QTGAL: variants seen among roughly 807,000 people sequenced by gnomAD.
QTGAL encodes queuosine-tRNA galactosyltransferase.
the QTGAL span, among the ~76,000 whole-genome samples, chr17:83,018,309 C>T: frequency 5.3e-5 from 8 of 152,212 alleles, no homozygotes; most frequent in Admixed American, 5.2e-4. Context: ...TCAGGTACCA[C>T]ACATGCTCCG....
the QTGAL span, chr17:82,947,188 C>T: frequency 3.9e-6 from 2 of 519,460 alleles, no homozygotes; most frequent in African/African-American, 3.9e-5. Flanking sequence ...CCCTGTTGGT[C>T]ACCAGAGGGG....
At chr17:82,946,916 A>C in the QTGAL span, 19 of 1,567,884 alleles carry the variant, frequency 1.2e-5, no homozygotes, top group East Asian at 4.5e-4. Context: ...GCTGAAGTGA[A>C]GGAAGTCCTG....
chr17:82,959,554 T>G, the QTGAL span, among the ~76,000 whole-genome samples: 1 of 151,894 alleles, frequency 6.6e-6, no homozygotes, highest in Admixed American at 6.6e-5. Context: ...CTCGCCGGGT[T>G]TTGGCATCTT....
chr17:82,946,712 G>A, the QTGAL span, among the ~76,000 whole-genome samples: 27 of 152,286 alleles, frequency 1.8e-4, no homozygotes, highest in South Asian at 2.1e-4. Context: ...GTGCTTAAGC[G>A]ATTCTGAAGT....
chr17:83,036,717 C>A, the QTGAL span, among the ~76,000 whole-genome samples: 3 of 152,162 alleles, frequency 2.0e-5, no homozygotes, highest in African/African-American at 7.2e-5. Flanking sequence ...CCAGGGCAGA[C>A]CACCGTCCTG....
the QTGAL span, chr17:82,942,727 C>T: frequency 6.9e-6 from 4 of 583,512 alleles, no homozygotes; most frequent in Non-Finnish European, 9.2e-6. Flanking sequence ...TGTCTCTGAG[C>T]CTGATGTGTG....
At chr17:83,050,204 C>T in the QTGAL span, among the ~76,000 whole-genome samples, 1 of 152,016 alleles carries the variant, frequency 6.6e-6, no homozygotes, top group Non-Finnish European at 1.5e-5. Flanking sequence ...AACCCCGTCC[C>T]TACTAAAAAT....
At chr17:83,043,946 T>TA in the QTGAL span, among the ~76,000 whole-genome samples, 6 of 148,000 alleles carry the variant, frequency 4.1e-5, no homozygotes, top group Non-Finnish European at 7.5e-5. Flanking sequence ...CAAGAAGAAA[T>TA]AAAAAAAATC....
At chr17:82,976,184 G>A in the QTGAL span, among the ~76,000 whole-genome samples, 1 of 50,444 alleles carries the variant, frequency 2.0e-5, no homozygotes, top group Non-Finnish European at 4.0e-5. Context: ...TCCTCCCAGG[G>A]ACCAGAGGCC....
chr17:83,013,970 G>A, the QTGAL span, among the ~76,000 whole-genome samples: 5 of 152,042 alleles, frequency 3.3e-5, no homozygotes, highest in Non-Finnish European at 4.4e-5. Context: ...GGGGATGGAG[G>A]AGCCCACGGG....
chr17:82,974,175 C>A, the QTGAL span, among the ~76,000 whole-genome samples: 1 of 152,226 alleles, frequency 6.6e-6, no homozygotes, highest in East Asian at 1.9e-4. Flanking sequence ...GAAGGTCCCA[C>A]TTCCACTCTC....
the QTGAL span, among the ~76,000 whole-genome samples, chr17:83,021,120 TTTC>T: frequency 6.6e-6 from 1 of 152,226 alleles, no homozygotes; most frequent in Non-Finnish European, 1.5e-5. Flanking sequence ...TGTATGTGTT[TTTC>T]TTCATAATGA....
chr17:83,042,027 A>T, the QTGAL span, among the ~76,000 whole-genome samples: 2 of 149,566 alleles, frequency 1.3e-5, no homozygotes, highest in East Asian at 3.9e-4. Context: ...AATATAAAAG[A>T]TAGTACTATT....
At chr17:83,048,489 A>G in the QTGAL span, 3 of 1,612,394 alleles carry the variant, frequency 1.9e-6, no homozygotes, top group Non-Finnish European at 2.5e-6. Context: ...GGAGAGGGAG[A>G]ATCGTGCCCC....
the QTGAL span, among the ~76,000 whole-genome samples, chr17:82,982,397 T>C: frequency 1.4e-5 from 2 of 147,106 alleles, no homozygotes; most frequent in Non-Finnish European, 3.0e-5. Context: ...ATGGAGGTCT[T>C]ATGTCCAGAA....
chr17:83,028,535 A>G, the QTGAL span, among the ~76,000 whole-genome samples: 1 of 151,026 alleles, frequency 6.6e-6, no homozygotes, highest in Non-Finnish European at 1.5e-5. Flanking sequence ...AAAAAAAAAA[A>G]AAAGAAAAAA....
At chr17:82,970,200 A>G in the QTGAL span, among the ~76,000 whole-genome samples, 1 of 152,182 alleles carries the variant, frequency 6.6e-6, no homozygotes, top group Non-Finnish European at 1.5e-5. Flanking sequence ...CAGGCCAGCC[A>G]AGGCCACAGC....
chr17:83,023,904 T>G, the QTGAL span, among the ~76,000 whole-genome samples: 1 of 152,060 alleles, frequency 6.6e-6, no homozygotes, highest in African/African-American at 2.4e-5. Flanking sequence ...ACAAAGGAGG[T>G]TGAAGTTGCC....
the QTGAL span, chr17:83,006,000 G>C: frequency 9.3e-7 from 1 of 1,077,746 alleles, no homozygotes; most frequent in African/African-American, 1.7e-5. This position sits in a 1 kb window ranked among gnomAD's most constrained non-coding sequence, Gnocchi z 5.6. Context: ...GGAGGAGCTG[G>C]CTGGAGAGAG....
Sources: gnomAD v4.1 joint callset for allele counts (sites outside exome capture counted in the v4.1 genomes callset) on GRCh38, gnomAD v4.1.1 for gene constraint, Gnocchi (gnomAD v3.1) non-coding constraint, MANE v1.5 for transcripts, NCBI Gene and HGNC (gene_info 2026-07-23, HGNC 2026-07-21) for gene names.